Variants in EAPP observed in about 807,000 individuals in gnomAD.
EAPP encodes E2F associated phosphoprotein, also known as E2F-associated phosphoprotein.
In EAPP, 38 loss-of-function variants were observed where a neutral mutation model predicts 34.3. That is an observed-to-expected ratio of 1.11 (90% CI 0.85 to 1.45). The LOEUF is 1.45. Among genes scored for constraint, EAPP ranks in the 40% most tolerant of loss-of-function variants. EAPP has a pLI of 0.00. For synonymous variants in EAPP, 113 were observed against 117.6 expected (o/e 0.96, Z 0.25); for missense variants, 338 against 343.7 (o/e 0.98, Z 0.13).
intron 3 of EAPP, among the ~76,000 whole-genome samples, chr14:34,532,075 C>CAA (rs757235021): frequency 1.5e-5 from 1 of 67,046 alleles, no homozygotes. Flanking sequence ...GACTCCGTCT[C>CAA]AAAAAAAAAA....
At chr14:34,532,434 C>G (rs1880327042) in intron 3 of EAPP, among the ~76,000 whole-genome samples, 1 of 150,074 alleles carries the variant, frequency 6.7e-6, no homozygotes. Context: ...CGCACTCCAG[C>G]TTGGGCAACA....
intron 1 of EAPP, 169 bp downstream of exon 1, chr14:34,539,386 G>A (rs544630364): frequency 5.4e-6 from 4 of 741,206 alleles, no homozygotes; most frequent in African/African-American, 3.4e-5. Context: ...CCTCCCCCCG[G>A]GACTGCGCGA....
At chr14:34,532,641 T>C (rs978053167) in intron 3 of EAPP, among the ~76,000 whole-genome samples, 1 of 151,056 alleles carries the variant, frequency 6.6e-6, no homozygotes, top group Admixed American at 6.6e-5. Context: ...GCACCACTGT[T>C]GGTGCCATGT....
At chr14:34,525,369 C>T (rs915306596) in intron 4 of EAPP, among the ~76,000 whole-genome samples, 1 of 151,914 alleles carries the variant, frequency 6.6e-6, no homozygotes, top group African/African-American at 2.4e-5. Flanking sequence ...TGATCGAGGT[C>T]AATACCAACA....
chr14:34,536,365 T>G lies in EAPP; in HGVS notation c.75-90A>C. 4 of 996,190 alleles carry G rather than the reference T, an allele frequency of 4.0e-6. No homozygotes were observed. The South Asian group carries it at 5.7e-5, about 14-fold the overall frequency. The allele number at this position is 996,190 out of a possible 1,614,324, so 61.7% of individuals were successfully genotyped here. ...GCATCTCACTGTCCAACAACAATTT[T>G]AAGTATTACATGGTTACATTTGATG... On this transcript the variant is annotated intron_variant, in intron 1 of 5. Coordinates refer to ENST00000250454, the MANE Select transcript of EAPP (RefSeq NM_018453.4).
chr14:34,531,799 G>A (rs552901111), intron 3 of EAPP, among the ~76,000 whole-genome samples: 8 of 151,756 alleles, frequency 5.3e-5, no homozygotes, highest in South Asian at 4.2e-4. Context: ...TTTTCAGGCC[G>A]GGCACAGTAG....
In EAPP at chr14:34,516,453, G is replaced by T; in HGVS notation, c.715C>A (p.Arg239=). 1 of 1,614,122 alleles carries T rather than the reference G, an allele frequency of 6.2e-7. No homozygotes were observed. Among genetic ancestry groups the T allele is most frequent in the Non-Finnish European group, 8.5e-7 (1 of 1,180,032 alleles). Residue 239 remains arginine, a synonymous_variant, in exon 6 of 6, where the codon CGG becomes AGG. Transcript: ENST00000250454. ...RRVHKKMRSN[R]EDAAEKAETD... ...TCTGCCTTCTCGGCAGCATCTTCCCGGTTAGACCTCATCTTCTTATGGACC... is the reference window on the plus strand; with the variant it reads ...TCTGCCTTCTCGGCAGCATCTTCCCTGTTAGACCTCATCTTCTTATGGACC...
In EAPP at chr14:34,516,160, G is replaced by A. The variant is rs559822475; in HGVS notation, c.*150C>T. Reference sequence around the variant, plus strand: ...AAAAAGGAGAGGGTGAGAGATGTAAGAGATGAATGAAGGTTGACAACTATT... The same window carrying A: ...AAAAAGGAGAGGGTGAGAGATGTAAAAGATGAATGAAGGTTGACAACTATT... On this transcript the variant is annotated 3_prime_UTR_variant, in exon 6 of 6. Transcript: ENST00000250454. 3 of 680,710 alleles carry A rather than the reference G, an allele frequency of 4.4e-6. No individual in the cohort carries two copies. In the East Asian group the frequency reaches 8.3e-5, roughly 19 times the overall value. The allele number at this position is 680,710 out of a possible 1,614,324, so 42.2% of individuals were successfully genotyped here. A position where few individuals can be genotyped will look rare whatever the true frequency, so the allele number is the denominator to read the frequency against.
At chr14:34,536,047 C>G in intron 2 of EAPP, 47 bp downstream of exon 2, 3 of 1,447,660 alleles carry the variant, frequency 2.1e-6, no homozygotes, top group Non-Finnish European at 2.8e-6. Context: ...GGTTCCTGCC[C>G]TTACAGAGCT....
chr14:34,525,364 G>C (rs1055242421), intron 4 of EAPP, among the ~76,000 whole-genome samples: 1 of 152,060 alleles, frequency 6.6e-6, no homozygotes, highest in Non-Finnish European at 1.5e-5. Context: ...CAAGGTGATC[G>C]AGGTCAATAC....
chr14:34,536,263 T>C lies in EAPP; in HGVS notation c.87A>G (p.Glu29=). Residue 29 remains glutamate, a synonymous_variant, in exon 2 of 6, where the codon GAA becomes GAG. Coordinates refer to ENST00000250454, the MANE Select transcript of EAPP (RefSeq NM_018453.4). ...GAGTTCCATGTAAAAGCACATCCAC[T>C]TCATCCTCAGAGCTAGCATACATTT... The part of the protein sequence containing the change: ...EEPALSSSED[E]VDVLLHGTPD... 1 of 1,607,298 alleles carries C rather than the reference T, an allele frequency of 6.2e-7. No homozygotes were observed.
At chr14:34,538,247 C>T (rs1434996981) in intron 1 of EAPP, among the ~76,000 whole-genome samples, 4 of 152,022 alleles carry the variant, frequency 2.6e-5, no homozygotes, top group African/African-American at 9.7e-5. Flanking sequence ...GGTGTGGTAG[C>T]GCATGCCTGT....
At chr14:34,523,429 G>C (rs1344662513) in intron 5 of EAPP, among the ~76,000 whole-genome samples, 1 of 151,764 alleles carries the variant, frequency 6.6e-6, no homozygotes, top group South Asian at 2.1e-4. Flanking sequence ...AATAGAGACA[G>C]GGTTTCACCG....
intron 1 of EAPP, among the ~76,000 whole-genome samples, chr14:34,538,584 A>AT (rs11376591): frequency 0.52 from 76,411 of 146,490 alleles, 19,745 homozygotes; most frequent in East Asian, 0.68. Flanking sequence ...TGTTCTTTTG[A>AT]TTTTTTTTTT....
At chr14:34,516,836 T>C (rs1879748202) in intron 5 of EAPP, among the ~76,000 whole-genome samples, 1 of 152,126 alleles carries the variant, frequency 6.6e-6, no homozygotes, top group Admixed American at 6.6e-5. Context: ...CCCTGGTAGC[T>C]GGGATTACAG....
chr14:34,537,606 T>C (rs995402079), intron 1 of EAPP, among the ~76,000 whole-genome samples: 1 of 152,218 alleles, frequency 6.6e-6, no homozygotes, highest in Non-Finnish European at 1.5e-5. Context: ...AATGAGATAA[T>C]GTCTCCTTCC....
chr14:34,527,107 T>C (rs1271135758), intron 4 of EAPP, among the ~76,000 whole-genome samples: 1 of 140,872 alleles, frequency 7.1e-6, no homozygotes, highest in East Asian at 2.1e-4. Flanking sequence ...GAGGAGGAGG[T>C]TGCGGTGAGC....
In EAPP at chr14:34,516,012, G is replaced by T; in HGVS notation, c.*298C>A. ...AAAATAACACTCAGAAACAAAGATT[G>T]CTTATAATTCCAGAACATTTTAATT... On this transcript the variant is annotated 3_prime_UTR_variant, in exon 6 of 6. Coordinates refer to ENST00000250454, the MANE Select transcript of EAPP (RefSeq NM_018453.4). 3.5e-6 allele frequency: 1 copy of T among 282,750 alleles called. No homozygotes were observed. Among genetic ancestry groups the T allele is most frequent in the Non-Finnish European group, 6.6e-6 (1 of 151,936 alleles). The allele number at this position is 282,750 out of a possible 1,614,324, so 17.5% of individuals were successfully genotyped here. A position where few individuals can be genotyped will look rare whatever the true frequency, so the allele number is the denominator to read the frequency against.
At chr14:34,522,184 T>G (rs1879940354) in intron 5 of EAPP, among the ~76,000 whole-genome samples, 1 of 152,052 alleles carries the variant, frequency 6.6e-6, no homozygotes, top group Admixed American at 6.6e-5. Flanking sequence ...GGTCTCAAAC[T>G]CCTGGCCTCA....
Sources: allele counts gnomAD v4.1 joint callset (sites outside exome capture counted in the v4.1 genomes callset), GRCh38; gene constraint gnomAD v4.1.1; transcripts MANE v1.5; gene names NCBI Gene and HGNC (gene_info 2026-07-23, HGNC 2026-07-21).